LINGO1: variants seen among roughly 807,000 people sequenced by gnomAD.
The protein encoded by LINGO1 is leucine-rich repeat and immunoglobulin-like domain-containing nogo receptor-interacting protein 1.
A neutral mutation model predicts 37.3 loss-of-function variants in LINGO1; 11 were observed. That is an observed-to-expected ratio of 0.29 (90% CI 0.19 to 0.49). LINGO1 has a LOEUF of 0.49. LINGO1 is among the 20% of genes least tolerant of loss of function. The pLI is 0.99. For missense variants in LINGO1, 585 were observed against 878.2 expected, an observed-to-expected ratio of 0.67 and a Z score of 4.22; for synonymous variants, 387 against 403.0, an observed-to-expected ratio of 0.96 and a Z score of 0.48.
chr15:77,781,090 C>T (rs1043595234), intron 1 of LINGO1, among the ~76,000 whole-genome samples: 5 of 152,212 alleles, frequency 3.3e-5, no homozygotes, highest in African/African-American at 1.2e-4. Flanking sequence ...TCAGCCAGCC[C>T]GCAAATCCTC....
At chr15:77,687,691 A>G (rs1436769450) in intron 2 of LINGO1, among the ~76,000 whole-genome samples, 2 of 152,078 alleles carry the variant, frequency 1.3e-5, no homozygotes, top group African/African-American at 2.4e-5. Context: ...TGGGTTATCC[A>G]CCCACTGCCA....
upstream of LINGO1, chr15:77,787,184 C>G (rs546072847): frequency 1.2e-4 from 18 of 152,446 alleles, no homozygotes; most frequent in African/African-American, 3.6e-4. Context: ...GCAGGTGTGG[C>G]ATGGGCACCA....
chr15:77,699,776 C>CTGCACACAGTAAGCACATACTAA (rs1567532401), upstream of LINGO1, among the ~76,000 whole-genome samples: 1 of 172 alleles, frequency 5.8e-3, no homozygotes, highest in Non-Finnish European at 0.019. Context: ...AACCATCATT[C>CTGCACACAGTAAGCACATACTAA]CCCCCCTCTA....
At chr15:77,662,690 G>A (rs2075022161) in intron 3 of LINGO1, among the ~76,000 whole-genome samples, 1 of 152,078 alleles carries the variant, frequency 6.6e-6, no homozygotes. Context: ...AATCCTTTTA[G>A]CCCCTTCTGA....
chr15:77,699,584 TCC>T (rs2075747064), upstream of LINGO1, among the ~76,000 whole-genome samples: 1 of 107,356 alleles, frequency 9.3e-6, no homozygotes, highest in Non-Finnish European at 1.9e-5. Context: ...ATACTAACCA[TCC>T]CCGCACACAG....
At chr15:77,662,811 A>G (rs1425556936) in intron 3 of LINGO1, among the ~76,000 whole-genome samples, 1 of 152,238 alleles carries the variant, frequency 6.6e-6, no homozygotes, top group Non-Finnish European at 1.5e-5. Flanking sequence ...AGGCACACAC[A>G]CTGCACATGT....
chr15:77,721,456 C>G lies in LINGO1; in HGVS notation c.-195+13536G>C, dbSNP rs566150465. ...CTGCCTCCCCGACCTGGTGGGTCTC[C>G]TCTTAAATACCCTGACAGCACCCCA... On this transcript the variant is annotated intron_variant, in intron 2 of 3. Coordinates refer to the LINGO1 transcript ENST00000561686. Among the ~76,000 whole-genome samples, 8 of 152,308 alleles carry G rather than the reference C, an allele frequency of 5.3e-5. No individual in the cohort carries two copies. In the East Asian group the frequency reaches 1.5e-3, roughly 29 times the overall value.
intron 1 of LINGO1, among the ~76,000 whole-genome samples, chr15:77,753,505 A>T (rs2076390904): frequency 6.6e-6 from 1 of 152,216 alleles, no homozygotes; most frequent in Non-Finnish European, 1.5e-5. Flanking sequence ...GGCACAAAAG[A>T]TGAACATCGT....
intron 3 of LINGO1, among the ~76,000 whole-genome samples, chr15:77,671,595 G>A (rs746845226): frequency 6.6e-6 from 1 of 152,198 alleles, no homozygotes; most frequent in Non-Finnish European, 1.5e-5. Flanking sequence ...CCAGCGGTCC[G>A]GTCTCCTTCC....
intron 1 of LINGO1, among the ~76,000 whole-genome samples, chr15:77,623,455 C>A (rs1300912562): frequency 2.6e-5 from 4 of 152,210 alleles, no homozygotes; most frequent in African/African-American, 9.6e-5. Flanking sequence ...CTGATAATGG[C>A]ATAAGGTAGG....
At chr15:77,661,196 C>T (rs1339232655) in intron 3 of LINGO1, among the ~76,000 whole-genome samples, 4 of 152,130 alleles carry the variant, frequency 2.6e-5, no homozygotes, top group African/African-American at 9.7e-5. Flanking sequence ...CCCAGACCCA[C>T]CCCACACCAA....
chr15:77,809,727 A>C (rs577581480), intron 1 of LINGO1, among the ~76,000 whole-genome samples: 123 of 152,160 alleles, frequency 8.1e-4, no homozygotes, highest in African/African-American at 2.7e-3. Flanking sequence ...GCCAGCCATG[A>C]CCTGTCCTCC....
At chr15:77,641,534 C>T (rs1014192439) in intron 3 of LINGO1, among the ~76,000 whole-genome samples, 2 of 152,172 alleles carry the variant, frequency 1.3e-5, no homozygotes, top group Admixed American at 1.3e-4. Flanking sequence ...GGTGTCATGT[C>T]GCACCCATAA....
At chr15:77,659,419 G>A (rs142785739) in intron 3 of LINGO1, among the ~76,000 whole-genome samples, 124 of 152,230 alleles carry the variant, frequency 8.1e-4, no homozygotes, top group Non-Finnish European at 1.4e-3. Flanking sequence ...CCCTCAAGCA[G>A]AGGTCTCAAG....
At chr15:77,749,649 A>T (rs1395700676) in intron 1 of LINGO1, among the ~76,000 whole-genome samples, 2 of 152,176 alleles carry the variant, frequency 1.3e-5, no homozygotes, top group Non-Finnish European at 2.9e-5. Context: ...TGCTGCGTGG[A>T]CTGCTCCCTG....
At chr15:77,766,755 T>A (rs530158292) in intron 1 of LINGO1, among the ~76,000 whole-genome samples, 1 of 152,338 alleles carries the variant, frequency 6.6e-6, no homozygotes, top group Non-Finnish European at 1.5e-5. Flanking sequence ...TATGAGTCAA[T>A]TAAACCTCTT....
At chr15:77,621,832 T>G (rs1188329444) in intron 1 of LINGO1, among the ~76,000 whole-genome samples, 2 of 152,158 alleles carry the variant, frequency 1.3e-5, no homozygotes, top group African/African-American at 4.8e-5. Context: ...GATGGCAAGT[T>G]TAGTTATTCC....
chr15:77,758,135 G>T lies in LINGO1; in HGVS notation c.-256-23082C>A, dbSNP rs57548921. Among the ~76,000 whole-genome samples, 1,314 of 152,282 alleles carry T rather than the reference G, an allele frequency of 8.6e-3. 23 individuals are homozygous for T. The highest frequency in any genetic ancestry group is 0.03 in the African/African-American group (1,262 of 41,538). On this transcript the variant is annotated intron_variant, in intron 1 of 3. Transcript: ENST00000561686. ...ATGGTGGGAAGGTGAAGGATGGGAGGGAGGTTGAAAATGTGCAAGCCTGCA... is the reference window on the plus strand; with the variant it reads ...ATGGTGGGAAGGTGAAGGATGGGAGTGAGGTTGAAAATGTGCAAGCCTGCA...
chr15:77,615,981 C>T, intron 1 of LINGO1, 81 bp from the exon 2 acceptor site: 1 of 993,344 alleles, frequency 1.0e-6, no homozygotes, highest in Non-Finnish European at 1.4e-6. Context: ...GCCACCTGGG[C>T]CCCTCCTGCC....
Sources: gnomAD v4.1 joint callset for allele counts (sites outside exome capture counted in the v4.1 genomes callset) on GRCh38, gnomAD v4.1.1 for gene constraint, MANE v1.5 for transcripts, NCBI Gene and HGNC (gene_info 2026-07-23, HGNC 2026-07-21) for gene names.